DLGAP1: variants seen among roughly 807,000 people sequenced by gnomAD.
DLGAP1 encodes DLG associated protein 1.
In DLGAP1, 11 loss-of-function variants were observed where a neutral mutation model predicts 90.8. That is an observed-to-expected ratio of 0.12 (90% CI 0.08 to 0.20). DLGAP1 has a LOEUF of 0.20. Among genes scored for constraint, DLGAP1 ranks in the 10% least tolerant of loss-of-function variants. The probability of loss-of-function intolerance (pLI) is 1.00; values close to 1 mark genes in which losing one functional copy is unlikely to be tolerated. For synonymous variants in DLGAP1, 558 were observed against 540.7 expected (o/e 1.03, Z -0.44); for missense variants, 1,050 against 1,333.8 (o/e 0.79, Z 3.31).
At chr18:3,960,645 TC>T (rs1435624650) in intron 3 of DLGAP1, among the ~76,000 whole-genome samples, 1 of 152,188 alleles carries the variant, frequency 6.6e-6, no homozygotes, top group Non-Finnish European at 1.5e-5. Flanking sequence ...ATTCTAGACA[TC>T]CGGGGTGAAG....
intron 3 of DLGAP1, among the ~76,000 whole-genome samples, chr18:3,999,908 C>T (rs2074146999): frequency 2.6e-5 from 4 of 152,162 alleles, no homozygotes; most frequent in Admixed American, 2.6e-4. Flanking sequence ...AACTTCTGGA[C>T]TCAAGGGATT....
At chr18:3,941,770 T>C (rs902137321) in intron 3 of DLGAP1, among the ~76,000 whole-genome samples, 9 of 152,176 alleles carry the variant, frequency 5.9e-5, no homozygotes, top group East Asian at 1.9e-4. Context: ...TGGAGTGCAA[T>C]GGCATGATCA....
chr18:4,101,503 TAC>T (rs2075777570), intron 2 of DLGAP1, among the ~76,000 whole-genome samples: 2 of 152,142 alleles, frequency 1.3e-5, no homozygotes, highest in Admixed American at 6.5e-5. Context: ...CAAAATGTGA[TAC>T]AGAGACACAA....
intron 1 of DLGAP1, among the ~76,000 whole-genome samples, chr18:4,358,496 AAAGATG>A (rs529103677): frequency 1.5e-3 from 234 of 152,340 alleles, no homozygotes; most frequent in African/African-American, 5.4e-3. Flanking sequence ...GGAAGTTAGA[AAAGATG>A]AAGATGGAGA....
At chr18:3,767,530 A>G (rs1272003075) in intron 5 of DLGAP1, among the ~76,000 whole-genome samples, 1 of 152,106 alleles carries the variant, frequency 6.6e-6, no homozygotes, top group Admixed American at 6.5e-5. Flanking sequence ...TCAGTAATAT[A>G]TATAAAGAAT....
chr18:3,733,557 G>A (rs75561137), intron 6 of DLGAP1, among the ~76,000 whole-genome samples: 1 of 152,234 alleles, frequency 6.6e-6, no homozygotes, highest in East Asian at 1.9e-4. Context: ...ATCCCACCAT[G>A]TTTACAAAAT....
intron 7 of DLGAP1, among the ~76,000 whole-genome samples, chr18:3,689,289 C>T (rs1027984860): frequency 2.7e-4 from 41 of 152,156 alleles, no homozygotes; most frequent in African/African-American, 9.9e-4. Context: ...AAACAACAAA[C>T]CTTTTCATCA....
chr18:4,235,975 C>T (rs941093556), intron 1 of DLGAP1, among the ~76,000 whole-genome samples: 1 of 152,056 alleles, frequency 6.6e-6, no homozygotes, highest in Non-Finnish European at 1.5e-5. Context: ...ATCCGCCTGC[C>T]TTAGCCTTCC....
At chr18:4,162,804 A>G (rs1294107562) in intron 1 of DLGAP1, among the ~76,000 whole-genome samples, 7 of 152,178 alleles carry the variant, frequency 4.6e-5, no homozygotes, top group Admixed American at 4.6e-4. Context: ...AAGCTATTCA[A>G]TAATGGAAAA....
intron 3 of DLGAP1, among the ~76,000 whole-genome samples, chr18:3,898,031 T>C (rs1452181064): frequency 1.3e-5 from 2 of 151,904 alleles, no homozygotes; most frequent in Non-Finnish European, 2.9e-5. Context: ...CCTGACCTCG[T>C]GATCCGCCCG....
chr18:3,927,950 C>G (rs2072429383), intron 3 of DLGAP1, among the ~76,000 whole-genome samples: 2 of 152,172 alleles, frequency 1.3e-5, no homozygotes, highest in South Asian at 4.1e-4. Context: ...CTGAGATGAT[C>G]TGATATGCAT....
chr18:3,685,175 G>T (rs2096348680), intron 7 of DLGAP1, among the ~76,000 whole-genome samples: 1 of 152,172 alleles, frequency 6.6e-6, no homozygotes, highest in African/African-American at 2.4e-5. Context: ...ATGGTAAAAA[G>T]TGGATTTAAG....
intron 7 of DLGAP1, among the ~76,000 whole-genome samples, chr18:3,626,086 A>G (rs2058282464): frequency 6.6e-6 from 1 of 152,222 alleles, no homozygotes; most frequent in South Asian, 2.1e-4. Flanking sequence ...ATTTCAGCCC[A>G]GGAATTCAAG....
At position 3,653,493 on chromosome 18, in the gene DLGAP1, T is replaced by C. The variant is rs939457660; in HGVS notation, c.1592-71245A>G. The C allele has an allele frequency of 2.0e-5, 3 of 152,216 alleles. No homozygotes were observed. Among genetic ancestry groups the C allele is most frequent in the African/African-American group, 7.2e-5 (3 of 41,452 alleles). 9.4% of individuals were successfully genotyped at this position (152,216 alleles called of 1,614,324 possible). Reference sequence around the variant, plus strand: ...GGACATTCCACCTTTAACCTTAGCATTCATGAGACACAAAATGGGTTTTTC... The same window carrying C: ...GGACATTCCACCTTTAACCTTAGCACTCATGAGACACAAAATGGGTTTTTC... On this transcript the variant is annotated intron_variant, in intron 7 of 12. Transcript: ENST00000315677. The surrounding 1 kb of genome is among the most constrained non-coding windows in gnomAD (Gnocchi z 4.6).
chr18:3,574,690 G>A (rs921373276), intron 8 of DLGAP1, among the ~76,000 whole-genome samples: 1 of 152,098 alleles, frequency 6.6e-6, no homozygotes, highest in African/African-American at 2.4e-5. Flanking sequence ...TCAAAATAAA[G>A]TCTTCAAGGC....
chr18:3,960,353 C>G (rs1029000408), intron 3 of DLGAP1, among the ~76,000 whole-genome samples: 1 of 151,986 alleles, frequency 6.6e-6, no homozygotes, highest in South Asian at 2.1e-4. Context: ...TCGGGGAAGC[C>G]AGCGGTTCCC....
chr18:4,122,241 G>A (rs1040950735), intron 2 of DLGAP1, among the ~76,000 whole-genome samples: 2 of 152,150 alleles, frequency 1.3e-5, no homozygotes, highest in African/African-American at 2.4e-5. Context: ...TAGCAGGAGG[G>A]GTTATAGGAG....
intron 5 of DLGAP1, among the ~76,000 whole-genome samples, chr18:3,753,139 C>G (rs1290432183): frequency 3.3e-5 from 5 of 152,266 alleles, no homozygotes; most frequent in Non-Finnish European, 7.3e-5. Flanking sequence ...TAAAATCAAC[C>G]ATTCCTGAAC....
chr18:3,553,132 G>A (rs978913418), intron 9 of DLGAP1, among the ~76,000 whole-genome samples: 1 of 152,004 alleles, frequency 6.6e-6, no homozygotes, highest in Non-Finnish European at 1.5e-5. Context: ...TGATAATCCG[G>A]CAGAAGGAGA....
Sources: allele counts gnomAD v4.1 joint callset (sites outside exome capture counted in the v4.1 genomes callset), GRCh38; gene constraint gnomAD v4.1.1; non-coding constraint Gnocchi (gnomAD v3.1); transcripts MANE v1.5; gene names NCBI Gene and HGNC (gene_info 2026-07-23, HGNC 2026-07-21).